CUL4A: variants seen among roughly 807,000 people sequenced by gnomAD.
The protein encoded by CUL4A is cullin 4A.
A neutral mutation model predicts 95.5 loss-of-function variants in CUL4A; 16 were observed. The observed-to-expected ratio is 0.17, with a 90% CI of 0.11 to 0.25. CUL4A has a LOEUF of 0.25. Ranked by LOEUF, CUL4A falls within the 10% of genes least tolerant of loss-of-function variation. The pLI is 1.00. For synonymous variants in CUL4A, 380 were observed against 353.1 expected (o/e 1.08, Z -0.85); for missense variants, 610 against 937.0 (o/e 0.65, Z 4.56).
At chr13:113,239,362 G>C in intron 9 of CUL4A, 71 bp from the exon 10 acceptor site, 1 of 1,281,992 alleles carries the variant, frequency 7.8e-7, no homozygotes. Context: ...TCTGGTGCAC[G>C]CTGTATTCTA....
intron 12 of CUL4A, 152 bp from the exon 13 acceptor site, chr13:113,244,797 G>T: frequency 1.6e-6 from 1 of 616,948 alleles, no homozygotes. Context: ...CCGAGATCGC[G>T]CCACTGCACT....
chr13:113,251,312 A>G (rs2041989270), intron 15 of CUL4A, among the ~76,000 whole-genome samples: 2 of 152,224 alleles, frequency 1.3e-5, no homozygotes, highest in Non-Finnish European at 1.5e-5. Context: ...ATGAGAATGT[A>G]TGAAAGACAG....
At chr13:113,255,670 T>C (rs1451999813) in intron 18 of CUL4A, among the ~76,000 whole-genome samples, 1 of 152,194 alleles carries the variant, frequency 6.6e-6, no homozygotes, top group African/African-American at 2.4e-5. Context: ...GTATATAGCC[T>C]TTTCAGATTG....
At chr13:113,230,981 C>T (rs763407197) in intron 5 of CUL4A, among the ~76,000 whole-genome samples, 36 of 152,082 alleles carry the variant, frequency 2.4e-4, no homozygotes, top group South Asian at 6.2e-4. Context: ...CTATGTTGCC[C>T]AGGCTGGTCT....
chr13:113,238,211 C>T (rs778605086), intron 9 of CUL4A, among the ~76,000 whole-genome samples: 1 of 152,110 alleles, frequency 6.6e-6, no homozygotes, highest in Non-Finnish European at 1.5e-5. Context: ...CAAAGTATCA[C>T]TTTGGATCAC....
intron 4 of CUL4A, among the ~76,000 whole-genome samples, chr13:113,228,964 C>CA (rs757684769): frequency 7.8e-4 from 104 of 133,988 alleles, no homozygotes; most frequent in Admixed American, 1.3e-3. Flanking sequence ...ACTGAAAATA[C>CA]AAAAAAAAAA....
At chr13:113,262,460 G>A (rs569116806) in intron 19 of CUL4A, among the ~76,000 whole-genome samples, 2 of 152,282 alleles carry the variant, frequency 1.3e-5, no homozygotes, top group African/African-American at 4.8e-5. Flanking sequence ...AGACCAGCCT[G>A]GGCAACATAG....
At chr13:113,211,676 C>T (rs988306157) in intron 2 of CUL4A, among the ~76,000 whole-genome samples, 2 of 152,166 alleles carry the variant, frequency 1.3e-5, no homozygotes, top group African/African-American at 2.4e-5. Flanking sequence ...TAAGCCACCG[C>T]GCCTGGCCTT....
At chr13:113,208,755 T>C (rs1041353979), upstream of CUL4A, 69 of 1,468,692 alleles carry the variant, frequency 4.7e-5, no homozygotes, top group Non-Finnish European at 5.8e-5. Flanking sequence ...GTGCGCAGGT[T>C]GGTTCCGGAG....
At chr13:113,258,909 C>A (rs2042200467) in intron 18 of CUL4A, among the ~76,000 whole-genome samples, 1 of 152,182 alleles carries the variant, frequency 6.6e-6, no homozygotes, top group Admixed American at 6.5e-5. Flanking sequence ...CACAGCTGGA[C>A]CCTCTGAAGA....
chr13:113,215,738 C>CA (rs2040648954), intron 2 of CUL4A, among the ~76,000 whole-genome samples: 1 of 140,760 alleles, frequency 7.1e-6, no homozygotes, highest in African/African-American at 2.8e-5. Flanking sequence ...AGGTCGCGTC[C>CA]CGTGTGGCTG....
intron 18 of CUL4A, among the ~76,000 whole-genome samples, chr13:113,260,164 A>C (rs1367423370): frequency 1.5e-5 from 2 of 131,484 alleles, no homozygotes; most frequent in African/African-American, 2.8e-5. Context: ...AGATCGCGCC[A>C]CTGCACTCCA....
intron 10 of CUL4A, among the ~76,000 whole-genome samples, chr13:113,240,396 C>G (rs565789957): frequency 4.6e-5 from 7 of 152,326 alleles, no homozygotes; most frequent in African/African-American, 1.7e-4. Flanking sequence ...CTCCAGATGC[C>G]CCTCACAGAA....
At chr13:113,227,794 A>G (rs1444583855) in intron 3 of CUL4A, among the ~76,000 whole-genome samples, 182 bp from the exon 4 acceptor site, 1 of 151,968 alleles carries the variant, frequency 6.6e-6, no homozygotes, top group Non-Finnish European at 1.5e-5. Context: ...AATCCCAGCT[A>G]CTCAAGAGGC....
At chr13:113,263,357 C>T in intron 19 of CUL4A, 130 bp from the exon 20 acceptor site, 3 of 373,412 alleles carry the variant, frequency 8.0e-6, no homozygotes, top group Non-Finnish European at 1.5e-5. Context: ...AAATGATTTT[C>T]ATATAAATAT....
In CUL4A at chr13:113,254,671, G is replaced by A. The variant is rs747706331; in HGVS notation, c.1753-22G>A. The A allele has an allele frequency of 8.9e-6, 13 of 1,466,280 alleles. No homozygotes were observed. In the South Asian group the frequency reaches 9.5e-5, roughly 11 times the overall value. 90.8% of individuals were successfully genotyped at this position (1,466,280 alleles called of 1,614,324 possible). A position where few individuals can be genotyped will look rare whatever the true frequency, so the allele number is the denominator to read the frequency against. ...ATTGTACATGCACAGCTTCAGAGGT[G>A]TGATGAGGCCTTCTCTTCCAGGGGA... is the stretch of plus-strand genomic sequence containing the variant. On this transcript the variant is annotated intron_variant, in intron 16 of 19. Coordinates refer to ENST00000375440, the MANE Select transcript of CUL4A (RefSeq NM_001008895.4).
In CUL4A at chr13:113,218,888, T is replaced by TTG. The variant is rs201258343; in HGVS notation, c.265-56_265-55insGT. 2,235 of 1,270,120 alleles carry TTG rather than the reference T, an allele frequency of 1.8e-3. 37 individuals carry two copies. In the African/African-American group the frequency reaches 0.03, roughly 17 times the overall value. 78.7% of individuals were successfully genotyped at this position (1,270,120 alleles called of 1,614,324 possible). A position where few individuals can be genotyped will look rare whatever the true frequency, so the allele number is the denominator to read the frequency against. Reference sequence around the variant, plus strand: ...ACAGCTATGTTAACAATAGGGTTTTTTTATGAACCAATCTGTTGTTCATAC... The same window carrying TTG: ...ACAGCTATGTTAACAATAGGGTTTTTTGTTATGAACCAATCTGTTGTTCATAC... On this transcript the variant is annotated intron_variant, in intron 2 of 19. Coordinates refer to ENST00000375440, the MANE Select transcript of CUL4A (RefSeq NM_001008895.4).
chr13:113,225,853 C>T (rs1251094805), intron 3 of CUL4A, among the ~76,000 whole-genome samples: 3 of 152,196 alleles, frequency 2.0e-5, no homozygotes, highest in Admixed American at 1.3e-4. Context: ...TAATTTTGAA[C>T]AATTTGTAAA....
At position 113,241,395 on chromosome 13, in the gene CUL4A, A is replaced by G. The variant is rs78298498; in HGVS notation, c.1036-1573A>G. Among the ~76,000 whole-genome samples, 2,324 of 152,186 alleles carry G rather than the reference A, an allele frequency of 0.015. 159 individuals carry two copies. The East Asian group carries it at 0.2, about 13-fold the overall frequency. ...AAGCTGGGCCTTGTAGTGTATGTGC[A>G]TTATTTCAAAATGCAGTTAGCACCA... is the stretch of plus-strand genomic sequence containing the variant. On this transcript the variant is annotated intron_variant, in intron 10 of 19. Coordinates refer to ENST00000375440, the MANE Select transcript of CUL4A (RefSeq NM_001008895.4).
Sources: gnomAD v4.1 joint callset for allele counts (sites outside exome capture counted in the v4.1 genomes callset) on GRCh38, gnomAD v4.1.1 for gene constraint, MANE v1.5 for transcripts, NCBI Gene and HGNC (gene_info 2026-07-23, HGNC 2026-07-21) for gene names.